HOXA3: variants seen among roughly 807,000 people sequenced by gnomAD.
The protein encoded by HOXA3 is homeobox A3, also known as homeobox protein Hox-A3.
HOXA3 carries 8 observed loss-of-function variants against 30.3 expected under a neutral mutation model. The observed-to-expected ratio is 0.26, with a 90% confidence interval of 0.15 to 0.48. The LOEUF (loss-of-function observed/expected upper bound fraction) is 0.48, where lower values mean the gene tolerates loss of function less well. Among genes scored for constraint, HOXA3 ranks in the 20% least tolerant of loss-of-function variants. The pLI is 0.99. For missense variants in HOXA3, 653 were observed against 614.4 expected, an observed-to-expected ratio of 1.06 and a Z score of -0.66; for synonymous variants, 323 against 273.1, an observed-to-expected ratio of 1.18 and a Z score of -1.80.
chr7:27,108,499 G>C lies in HOXA3; in HGVS notation c.748C>G (p.Gln250Glu). The change falls in exon 6 of 6, where the codon CAG (glutamine) becomes GAG (glutamate). Residue 250 changes from glutamine to glutamate, a missense_variant. Gln to Glu is a conservative substitution (Grantham distance 29). This residue lies in a region of HOXA3 where 330 missense variants were observed against 274.4 expected (regional missense o/e 1.20). Transcript: ENST00000612286. This position sits in a 1 kb window ranked among gnomAD's most constrained non-coding sequence, Gnocchi z 5.0. ...QNRRMKYKKD[Q>E]KGKGMLTSSG... The stretch of plus-strand genomic sequence containing the variant: ...GACGTTAGCATGCCCTTGCCCTTCT[G>C]ATCCTTTTTGTACTTCATGCGGCGA... 1 of 1,614,110 alleles carries C rather than the reference G, an allele frequency of 6.2e-7. No homozygotes were observed. Among genetic ancestry groups the C allele is most frequent in the Middle Eastern group, 1.6e-4 (1 of 6,062 alleles).
intron 5 of HOXA3, 48 bp downstream of exon 5, chr7:27,110,067 G>A (rs1220939448): frequency 1.9e-6 from 3 of 1,611,712 alleles, no homozygotes; most frequent in Non-Finnish European, 2.5e-6. Flanking sequence ...GTAGCTTGGG[G>A]ACCAGGAGCC....
At position 27,108,721 on chromosome 7, in the gene HOXA3, CTGCGAGGA is replaced by C; in HGVS notation, c.527-9_527-2del. 6.3e-7 allele frequency: 1 copy of C among 1,591,206 alleles called. No homozygotes were observed. Among genetic ancestry groups the C allele is most frequent in the Non-Finnish European group, 8.6e-7 (1 of 1,166,558 alleles). Reference sequence around the variant, plus strand: ...CTCTTGTCGCCAGCGCAGCTTTCGCCTGCGAGGACAGAGAGAGGAAGAGCGGCGTCAGG... The same window carrying C: ...CTCTTGTCGCCAGCGCAGCTTTCGCCCAGAGAGAGGAAGAGCGGCGTCAGG... On this transcript the variant is annotated splice_acceptor_variant and splice_polypyrimidine_tract_variant and intron_variant, in intron 5 of 5. Transcript: ENST00000612286. LOFTEE classifies it high-confidence loss of function. This position sits in a 1 kb window ranked among gnomAD's most constrained non-coding sequence, Gnocchi z 5.0.
At position 27,108,642 on chromosome 7, in the gene HOXA3, T is replaced by A; in HGVS notation, c.605A>T (p.Gln202Leu). Residue 202 changes from glutamine to leucine, a missense_variant, in exon 6 of 6, where the codon CAG becomes CTG. By Grantham distance (113) the Gln-to-Leu change is moderately radical. Coordinates refer to ENST00000612286, the MANE Select transcript of HOXA3 (RefSeq NM_153631.3). The surrounding 1 kb of genome is among the most constrained non-coding windows in gnomAD (Gnocchi z 5.0). ...KRARTAYTSA[Q>L]LVELEKEFHF... ...GAACTCTTTCTCCAGCTCCACCAGC[T>A]GCGCGCTCGTGTAGGCCGTGCGCGC... is the stretch of plus-strand genomic sequence containing the variant. 1 of 1,614,112 alleles carries A rather than the reference T, an allele frequency of 6.2e-7. No homozygotes were observed. Among genetic ancestry groups the A allele is most frequent in the Non-Finnish European group, 8.5e-7 (1 of 1,179,978 alleles).
At chr7:27,130,682 G>A (rs565355921) in intron 2 of HOXA3, 2 of 1,608,580 alleles carry the variant, frequency 1.2e-6, no homozygotes, top group East Asian at 2.2e-5. Context: ...TCGAAGGGAG[G>A]GAACTTGGGC....
At chr7:27,132,651 G>GTAATC (rs919775211) in intron 2 of HOXA3, among the ~76,000 whole-genome samples, 2 of 152,166 alleles carry the variant, frequency 1.3e-5, no homozygotes, top group Non-Finnish European at 2.9e-5. Flanking sequence ...AACACTGAGT[G>GTAATC]TAATCTTTAG....
rs541925321 is a variant in HOXA3, at chr7:27,133,244, A to T, written c.-389-6174T>A. On this transcript the variant is annotated intron_variant, in intron 2 of 5. Transcript: ENST00000612286. ...CAGTACCTTTTCTGAACCTTCCTCAATCTCCCTTTGCAAACCATAGCATCA... is the reference window on the plus strand; with the variant it reads ...CAGTACCTTTTCTGAACCTTCCTCATTCTCCCTTTGCAAACCATAGCATCA... Among the ~76,000 whole-genome samples the T allele has an allele frequency of 3.9e-5, 6 of 152,286 alleles. No individual in the cohort carries two copies. In the South Asian group the frequency reaches 1.0e-3, roughly 26 times the overall value.
In HOXA3 at chr7:27,110,368, G is replaced by A. The variant is rs1377277486; in HGVS notation, c.273C>T (p.His91=). The part of the protein sequence containing the change: ...QPPSLGEPPL[H]PPPPQAAPPA... ...GGGGCGCGGCCTGGGGCGGCGGCGG[G>A]TGCAGGGGCGGCTCTCCCAGGCTTG... Residue 91 remains histidine (H), a synonymous_variant, in exon 5 of 6, where the codon CAC becomes CAT. Transcript: ENST00000612286. 19 of 1,514,542 alleles carry A rather than the reference G, an allele frequency of 1.3e-5. No individual in the cohort carries two copies. In the South Asian group the frequency reaches 2.4e-4, roughly 19 times the overall value. 93.8% of individuals were successfully genotyped at this position (1,514,542 alleles called of 1,614,324 possible).
At chr7:27,131,356 C>G (rs1785554483) in intron 2 of HOXA3, among the ~76,000 whole-genome samples, 3 of 152,180 alleles carry the variant, frequency 2.0e-5, no homozygotes, top group Non-Finnish European at 4.4e-5. Context: ...GATCCCCCTT[C>G]CCCACACCCT....
chr7:27,141,836 C>T (rs1026312087), intron 1 of HOXA3: 1 of 1,613,714 alleles, frequency 6.2e-7, no homozygotes, highest in Non-Finnish European at 8.5e-7. Context: ...CTCAGATACT[C>T]AGGGACGGAA....
At chr7:27,147,869 A>C in intron 1 of HOXA3, 2 of 912,104 alleles carry the variant, frequency 2.2e-6, no homozygotes, top group Non-Finnish European at 3.2e-6. Flanking sequence ...ACAGCAGCAA[A>C]TCGCACCAGC....
At chr7:27,136,572 C>T (rs937424622) in intron 2 of HOXA3, among the ~76,000 whole-genome samples, 1 of 152,152 alleles carries the variant, frequency 6.6e-6, no homozygotes, top group Non-Finnish European at 1.5e-5. Context: ...TGTACTAAAG[C>T]GTGCTCTGCT....
chr7:27,142,489 G>T (rs1782604685), intron 1 of HOXA3, among the ~76,000 whole-genome samples: 1 of 152,188 alleles, frequency 6.6e-6, no homozygotes, highest in African/African-American at 2.4e-5. Context: ...CCAGCCCCGA[G>T]AGCCGCCTCC....
At chr7:27,131,996 T>A (rs1238999159) in intron 2 of HOXA3, among the ~76,000 whole-genome samples, 4 of 152,218 alleles carry the variant, frequency 2.6e-5, no homozygotes, top group African/African-American at 9.6e-5. Context: ...GGTACACTAA[T>A]TACGCCATTA....
chr7:27,148,476 C>T (rs1163568488), intron 1 of HOXA3, among the ~76,000 whole-genome samples: 1 of 152,258 alleles, frequency 6.6e-6, no homozygotes, highest in Non-Finnish European at 1.5e-5. Flanking sequence ...TGAAGGATCA[C>T]CTCGAGCTGA....
At chr7:27,141,113 C>CAAAAAAAAAAAAAAA (rs147485948) in intron 1 of HOXA3, 15 of 82,908 alleles carry the variant, frequency 1.8e-4, no homozygotes, top group African/African-American at 3.9e-4. Flanking sequence ...AAAACAAATA[C>CAAAAAAAAAAAAAAA]AAAAAAAAAA....
At chr7:27,114,824 T>TA (rs1306385674) in intron 4 of HOXA3, among the ~76,000 whole-genome samples, 15 of 99,834 alleles carry the variant, frequency 1.5e-4, no homozygotes, top group Admixed American at 3.7e-4. Flanking sequence ...TACATATATA[T>TA]ATAATATATA....
chr7:27,140,453 G>T (rs950293294), intron 1 of HOXA3: 2 of 152,182 alleles, frequency 1.3e-5, no homozygotes, highest in East Asian at 3.8e-4. Flanking sequence ...AAGGAAAGAC[G>T]GCATCAGTGT....
intron 2 of HOXA3, among the ~76,000 whole-genome samples, chr7:27,138,814 C>T (rs1023322853): frequency 1.3e-5 from 2 of 152,168 alleles, no homozygotes; most frequent in African/African-American, 4.8e-5. Flanking sequence ...ACAGAAAGAG[C>T]AACTAACAAA....
intron 4 of HOXA3, among the ~76,000 whole-genome samples, chr7:27,114,834 A>T (rs1048909770): frequency 3.2e-5 from 3 of 93,676 alleles, no homozygotes; most frequent in African/African-American, 1.2e-4. Flanking sequence ...TATAATATAT[A>T]TTATATATAT....
Sources: allele counts gnomAD v4.1 joint callset (sites outside exome capture counted in the v4.1 genomes callset), GRCh38; gene constraint gnomAD v4.1.1; regional missense constraint gnomAD v4.1.1; non-coding constraint Gnocchi (gnomAD v3.1); transcripts MANE v1.5; gene names NCBI Gene and HGNC (gene_info 2026-07-23, HGNC 2026-07-21).